The following CCDC187 variants were observed in gnomAD, a reference collection of about 807,000 sequenced individuals.
CCDC187 encodes the protein coiled-coil domain containing 187.
CCDC187 carries 32 observed loss-of-function variants against 38.0 expected under a neutral mutation model. That is an observed-to-expected ratio of 0.84 (90% CI 0.64 to 1.13). The LOEUF (loss-of-function observed/expected upper bound fraction) is 1.13. Ranked by LOEUF, CCDC187 falls within the 50% of genes most tolerant of loss-of-function variation. The pLI is 0.00. For synonymous variants in CCDC187, 333 were observed against 347.9 expected (o/e 0.96, Z 0.48); for missense variants, 707 against 786.8 (o/e 0.90, Z 1.21).
At chr9:136,281,258 G>A (rs944189366) in intron 10 of CCDC187, 4 of 397,260 alleles carry the variant, frequency 1.0e-5, no homozygotes, top group Admixed American at 4.4e-5. Flanking sequence ...GTAAGGAAGC[G>A]CCCTAGGAGG....
intron 4 of CCDC187, among the ~76,000 whole-genome samples, chr9:136,294,876 G>T (rs991341211): frequency 2.6e-5 from 4 of 152,228 alleles, no homozygotes; most frequent in Admixed American, 6.5e-5. Context: ...CAAGGTAGAG[G>T]AAGGTTTAGG....
chr9:136,262,309 A>ACCGCGTGG lies in CCDC187; in HGVS notation c.4058_4064+1dup. On this transcript the variant is annotated splice_donor_variant, in intron 19 of 25. Coordinates refer to ENST00000638797, the MANE Select transcript of CCDC187 (RefSeq NM_001378188.1). LOFTEE classifies it high-confidence loss of function. ...CCGACCCCCTAAGACCAACCAACTC[A>ACCGCGTGG]CCGCGTGGCCTTTGAGCTTGCGGGG... The ACCGCGTGG allele has an allele frequency of 1.0e-6, 1 of 985,818 alleles. No individual in the cohort carries two copies. The allele number at this position is 985,818 out of a possible 1,614,324, so 61.1% of individuals were successfully genotyped here. A position where few individuals can be genotyped will look rare whatever the true frequency, so the allele number is the denominator to read the frequency against.
Position 136,256,335 on chromosome 9 carries a change from T to C in CCDC187, c.4504-12A>G. 1 of 982,926 alleles carries C rather than the reference T, an allele frequency of 1.0e-6. No homozygotes were observed. 60.9% of individuals were successfully genotyped at this position (982,926 alleles called of 1,614,324 possible). A position where few individuals can be genotyped will look rare whatever the true frequency, so the allele number is the denominator to read the frequency against. On this transcript the variant is annotated splice_polypyrimidine_tract_variant and intron_variant, in intron 23 of 25. Coordinates refer to ENST00000638797, the MANE Select transcript of CCDC187 (RefSeq NM_001378188.1). Reference sequence around the variant, plus strand: ...TCCTCAGCCACCTGCTGGAGAGACGTTGCAGAAATGACACTGTTGGGGTGT... The same window carrying C: ...TCCTCAGCCACCTGCTGGAGAGACGCTGCAGAAATGACACTGTTGGGGTGT...
rs1554759268 is a variant in CCDC187 at position 136,250,906 on chromosome 9, C to T, written c.*2688G>A. The T allele has an allele frequency of 2.2e-6, 1 of 451,296 alleles. No individual in the cohort carries two copies. Among genetic ancestry groups the T allele is most frequent in the Non-Finnish European group, 4.5e-6 (1 of 223,156 alleles). 28.0% of individuals were successfully genotyped at this position (451,296 alleles called of 1,614,324 possible). On this transcript the variant is annotated 3_prime_UTR_variant, in exon 26 of 26. Coordinates refer to ENST00000638797, the MANE Select transcript of CCDC187 (RefSeq NM_001378188.1). ...GGGCTCTTGCCTCACGGCAGGGGGC[C>T]CAAAGAGGTTCTAAGGGGCCTGGGG...
chr9:136,261,521 C>G (rs1260798062), intron 19 of CCDC187, among the ~76,000 whole-genome samples: 1 of 152,156 alleles, frequency 6.6e-6, no homozygotes, highest in Non-Finnish European at 1.5e-5. Flanking sequence ...CCTGGGGGAC[C>G]AAGGGGCGGT....
rs1554760085 is a variant in CCDC187, at chr9:136,254,937, C to T, written c.4891G>A (p.Glu1631Lys). 1.0e-6 allele frequency: 1 copy of T among 985,402 alleles called. No individual in the cohort carries two copies. Among genetic ancestry groups the T allele is most frequent in the Non-Finnish European group, 1.2e-6 (1 of 829,988 alleles). 61.0% of individuals were successfully genotyped at this position (985,402 alleles called of 1,614,324 possible). ...AGGGTAGCCGCTGCTTTCTGGAACT[C>T]CCAGAGAGAGGGACAGGACAGGCTG... ...VSSLSCPSLWEFQKAAATLIQ... is the reference protein window; with the variant it reads ...VSSLSCPSLWKFQKAAATLIQ... The change falls in exon 26 of 26, where the codon GAG becomes AAG. Residue 1631 changes from glutamate (E) to lysine (K), a missense_variant. By Grantham distance (56) the Glu-to-Lys change is moderately conservative. Transcript: ENST00000638797.
At position 136,254,020 on chromosome 9, in the gene CCDC187, C is replaced by A; in HGVS notation, c.5808G>T (p.Glu1936Asp). 4.1e-6 allele frequency: 4 copies of A among 985,282 alleles called. No individual in the cohort carries two copies. Among genetic ancestry groups the A allele is most frequent in the Non-Finnish European group, 4.8e-6 (4 of 829,914 alleles). The allele number at this position is 985,282 out of a possible 1,614,324, so 61.0% of individuals were successfully genotyped here. A position where few individuals can be genotyped will look rare whatever the true frequency, so the allele number is the denominator to read the frequency against. The change falls in exon 26 of 26, where the codon GAG becomes GAT. Residue 1936 changes from glutamate (E) to aspartate (D), a missense_variant. By Grantham distance (45) the Glu-to-Asp change is conservative. Transcript: ENST00000638797. Reference sequence around the variant, plus strand: ...GAGGAGCCTGCAGGGTCACCGGGGTCTCGGGCTCTGGCATGAGGTACGGGA... The same window carrying A: ...GAGGAGCCTGCAGGGTCACCGGGGTATCGGGCTCTGGCATGAGGTACGGGA... ...SKLPYLMPEP[E>D]TPVTLQAPPG...
chr9:136,295,961 G>A (rs1304532832), intron 4 of CCDC187: 2 of 152,270 alleles, frequency 1.3e-5, no homozygotes, highest in East Asian at 1.9e-4. Flanking sequence ...CCTTCTGCTC[G>A]GCCTCTGGCC....
At chr9:136,283,214 A>G (rs1406892913) in intron 9 of CCDC187, among the ~76,000 whole-genome samples, 1 of 152,170 alleles carries the variant, frequency 6.6e-6, no homozygotes, top group African/African-American at 2.4e-5. Context: ...AAGCCATTGC[A>G]CTCCAGCCTC....
intron 9 of CCDC187, among the ~76,000 whole-genome samples, chr9:136,284,696 C>T (rs1831130327): frequency 6.6e-6 from 1 of 150,436 alleles, no homozygotes; most frequent in Non-Finnish European, 1.5e-5. Flanking sequence ...AGGTGGTGGG[C>T]TCGGAGGAAG....
Position 136,258,225 on chromosome 9 carries a change from CCCA to C in CCDC187, c.4366+704_4366+706del, listed in dbSNP as rs782573248. ...CACCAGCCACGCTCTCCTGGGCAGC[CCCA>C]CAAGTGCTTCTGATCTCTTTCCGTC... is the stretch of plus-strand genomic sequence containing the variant. On this transcript the variant is annotated intron_variant, in intron 22 of 25. Coordinates refer to ENST00000638797, the MANE Select transcript of CCDC187 (RefSeq NM_001378188.1). This position sits in a 1 kb window ranked among gnomAD's most constrained non-coding sequence, Gnocchi z 4.3. Among the ~76,000 whole-genome samples, 13 of 152,210 alleles carry C rather than the reference CCCA, an allele frequency of 8.5e-5. No individual in the cohort carries two copies. Among genetic ancestry groups the C allele is most frequent in the Non-Finnish European group, 1.8e-4 (12 of 68,026 alleles).
chr9:136,278,257 G>C (rs1588660269), intron 10 of CCDC187, among the ~76,000 whole-genome samples: 1 of 152,322 alleles, frequency 6.6e-6, no homozygotes, highest in South Asian at 2.1e-4. Flanking sequence ...CTGGCTCCTG[G>C]GAGCCCCACA....
Position 136,297,823 on chromosome 9 carries a change from T to G in CCDC187, c.725-2A>C. ...CCCTTTTGGGTTTTTCCCTCAGAAC[T>G]TCAGTGAGGAAGAGAAAGGAAGGGA... On this transcript the variant is annotated splice_acceptor_variant, in intron 3 of 25. Coordinates refer to ENST00000638797, the MANE Select transcript of CCDC187 (RefSeq NM_001378188.1). LOFTEE classifies it high-confidence loss of function. 1 of 398,476 alleles carries G rather than the reference T, an allele frequency of 2.5e-6. No homozygotes were observed. The highest frequency in any genetic ancestry group is 4.4e-6 in the Non-Finnish European group (1 of 225,968). 24.7% of individuals were successfully genotyped at this position (398,476 alleles called of 1,614,324 possible). A position where few individuals can be genotyped will look rare whatever the true frequency, so the allele number is the denominator to read the frequency against.
At chr9:136,305,871 C>T (rs976092002), upstream of CCDC187, among the ~76,000 whole-genome samples, 28 of 152,330 alleles carry the variant, frequency 1.8e-4, no homozygotes, top group Middle Eastern at 6.8e-3. Flanking sequence ...GACAGCGGAG[C>T]GTCTGCCTCC....
At chr9:136,277,865 G>A (rs962631453) in intron 10 of CCDC187, among the ~76,000 whole-genome samples, 2 of 152,146 alleles carry the variant, frequency 1.3e-5, no homozygotes, top group African/African-American at 2.4e-5. Context: ...TCCCCACTCC[G>A]ACTGTCCCAG....
intron 10 of CCDC187, among the ~76,000 whole-genome samples, chr9:136,280,133 C>T (rs912398920): frequency 1.4e-4 from 21 of 152,350 alleles, no homozygotes; most frequent in African/African-American, 4.6e-4. Context: ...TCTGAACTGC[C>T]GCCCCACCCC....
chr9:136,272,885 C>A (rs1554762626), intron 14 of CCDC187, among the ~76,000 whole-genome samples: 1 of 152,032 alleles, frequency 6.6e-6, no homozygotes, highest in African/African-American at 2.4e-5. Flanking sequence ...AAAAAACAAA[C>A]AAAACATTTA....
intron 5 of CCDC187, 39 bp from the exon 6 acceptor site, chr9:136,291,684 G>C: frequency 2.5e-6 from 1 of 398,728 alleles, no homozygotes; most frequent in Non-Finnish European, 4.4e-6. Flanking sequence ...GAGGGGAGCG[G>C]AGGGGAGAGC....
chr9:136,301,004 TCA>T lies in CCDC187; in HGVS notation c.626-688_626-687del, dbSNP rs1831667532. Among the ~76,000 whole-genome samples the T allele has an allele frequency of 2.0e-5, 3 of 152,076 alleles. No homozygotes were observed. The East Asian group carries it at 5.8e-4, about 29-fold the overall frequency. ...CAGCGCTTGGCACGACGCAGGCATC[TCA>T]CACAGAAACGCCTCTGGCAGTGGCT... On this transcript the variant is annotated intron_variant, in intron 2 of 25. Coordinates refer to ENST00000638797, the MANE Select transcript of CCDC187 (RefSeq NM_001378188.1).
Sources: gnomAD v4.1 joint callset for allele counts (sites outside exome capture counted in the v4.1 genomes callset) on GRCh38, gnomAD v4.1.1 for gene constraint, Gnocchi (gnomAD v3.1) non-coding constraint, MANE v1.5 for transcripts, NCBI Gene and HGNC (gene_info 2026-07-23, HGNC 2026-07-21) for gene names.